ZSCAN25: variants seen among roughly 807,000 people sequenced by gnomAD.
The protein encoded by ZSCAN25 is zinc finger and SCAN domain-containing protein 25.
In ZSCAN25, 27 loss-of-function variants were observed where a neutral mutation model predicts 38.7. The observed-to-expected ratio is 0.70, with a 90% CI of 0.51 to 0.96. ZSCAN25 has a LOEUF of 0.96. Ranked by LOEUF, ZSCAN25 falls within the 40% of genes least tolerant of loss-of-function variation. The pLI is 0.00. For missense variants in ZSCAN25, 637 were observed against 705.9 expected (o/e 0.90, Z 1.11); for synonymous variants, 273 against 277.7 (o/e 0.98, Z 0.17).
At chr7:99,633,505 T>TA (rs1758602128), downstream of ZSCAN25, among the ~76,000 whole-genome samples, 1 of 152,242 alleles carries the variant, frequency 6.6e-6, no homozygotes, top group Admixed American at 6.5e-5. Context: ...ATGAGCTAGT[T>TA]ACTTTTTGCT....
At chr7:99,700,465 G>A in the ZSCAN25 span, among the ~76,000 whole-genome samples, 2 of 152,016 alleles carry the variant, frequency 1.3e-5, no homozygotes, top group Non-Finnish European at 2.9e-5. Flanking sequence ...CCCTCTGCCT[G>A]GAGTGTACTT....
At chr7:99,620,165 C>A in intron 4 of ZSCAN25, 172 bp downstream of exon 4, 1 of 965,028 alleles carries the variant, frequency 1.0e-6, no homozygotes, top group Non-Finnish European at 1.5e-6. Flanking sequence ...GCAAGAAAGG[C>A]CATTCCCAGG....
downstream of ZSCAN25, among the ~76,000 whole-genome samples, chr7:99,633,997 C>G (rs1055982395): frequency 6.6e-6 from 1 of 152,200 alleles, no homozygotes; most frequent in Non-Finnish European, 1.5e-5. Context: ...CCGGGACTCT[C>G]CAGGTCAAAC....
In ZSCAN25 at chr7:99,630,164, T is replaced by C. The variant is rs761818342; in HGVS notation, c.*144T>C. 138 of 1,421,000 alleles carry C rather than the reference T, an allele frequency of 9.7e-5. No individual in the cohort carries two copies. Among genetic ancestry groups the C allele is most frequent in the Admixed American group, 2.4e-4 (8 of 33,476 alleles). 88.0% of individuals were successfully genotyped at this position (1,421,000 alleles called of 1,614,324 possible). A position where few individuals can be genotyped will look rare whatever the true frequency, so the allele number is the denominator to read the frequency against. On this transcript the variant is annotated 3_prime_UTR_variant, in exon 8 of 8. Transcript: ENST00000394152. ...GCGGGAAAGGCAAGGCCTGGCTTACTTAGAGCTTCCAGAGAGCATAGCTGC... is the reference window on the plus strand; with the variant it reads ...GCGGGAAAGGCAAGGCCTGGCTTACCTAGAGCTTCCAGAGAGCATAGCTGC...
chr7:99,638,660 C>G, the ZSCAN25 span: 1 of 1,567,306 alleles, frequency 6.4e-7, no homozygotes, highest in Non-Finnish European at 8.8e-7. Flanking sequence ...ACCGACTGGC[C>G]CAGCTTCAAC....
the ZSCAN25 span, among the ~76,000 whole-genome samples, chr7:99,715,117 G>A: frequency 6.6e-6 from 1 of 152,172 alleles, no homozygotes; most frequent in Non-Finnish European, 1.5e-5. Context: ...CGAAAATTGG[G>A]AAACTCACAC....
chr7:99,676,651 C>A, the ZSCAN25 span: 1 of 838,580 alleles, frequency 1.2e-6, no homozygotes, highest in Non-Finnish European at 1.8e-6. Context: ...TGCACTCAAT[C>A]ACAGAGGGTC....
chr7:99,734,626 CTTT>C, the ZSCAN25 span, among the ~76,000 whole-genome samples: 1 of 140,914 alleles, frequency 7.1e-6, no homozygotes. Context: ...TTTTTTTTCT[CTTT>C]TTTTTTTTTT....
chr7:99,676,999 A>G, the ZSCAN25 span, among the ~76,000 whole-genome samples: 1 of 152,024 alleles, frequency 6.6e-6, no homozygotes, highest in Non-Finnish European at 1.5e-5. Context: ...CTCAGGTCAT[A>G]CTCACCTGAG....
At chr7:99,722,202 C>T in the ZSCAN25 span, 27 of 1,512,228 alleles carry the variant, frequency 1.8e-5, no homozygotes, top group African/African-American at 5.5e-5. Flanking sequence ...AGAGCTTCAT[C>T]GCAAGAGGCT....
the ZSCAN25 span, among the ~76,000 whole-genome samples, chr7:99,735,937 C>G: frequency 6.6e-6 from 1 of 152,314 alleles, no homozygotes; most frequent in Non-Finnish European, 1.5e-5. Flanking sequence ...ACCACTCCAT[C>G]TTCTTAGGTC....
At chr7:99,672,859 G>A in the ZSCAN25 span, 4 of 1,412,218 alleles carry the variant, frequency 2.8e-6, no homozygotes, top group Non-Finnish European at 3.7e-6. Flanking sequence ...TCTCACACAG[G>A]AGCCACCCAA....
At chr7:99,694,562 A>AAAGATCCC in the ZSCAN25 span, among the ~76,000 whole-genome samples, 1 of 145,896 alleles carries the variant, frequency 6.9e-6, no homozygotes, top group Non-Finnish European at 1.5e-5. Flanking sequence ...CTGTGCAAAC[A>AAAGATCCC]AAGATCCCAG....
chr7:99,702,744 C>T, the ZSCAN25 span, among the ~76,000 whole-genome samples: 1 of 152,084 alleles, frequency 6.6e-6, no homozygotes, highest in Non-Finnish European at 1.5e-5. Flanking sequence ...TTTTGTGGTT[C>T]TATAGAAATG....
At chr7:99,708,407 TCTC>T in the ZSCAN25 span, among the ~76,000 whole-genome samples, 1 of 151,746 alleles carries the variant, frequency 6.6e-6, no homozygotes, top group Admixed American at 6.6e-5. Context: ...GCACTTTCCT[TCTC>T]CTCTCGTCTC....
chr7:99,619,837 C>T lies in ZSCAN25; in HGVS notation c.231C>T (p.Thr77=). Residue 77 remains threonine (T), a synonymous_variant, in exon 4 of 8, where the codon ACC becomes ACT. Coordinates refer to ENST00000394152, the MANE Select transcript of ZSCAN25 (RefSeq NM_145115.3). ...GGTGGCTGAGGCCCGAGTTGCACACCAAGGAGCAGATCCTGGAGCTGCTGG... is the reference window on the plus strand; with the variant it reads ...GGTGGCTGAGGCCCGAGTTGCACACTAAGGAGCAGATCCTGGAGCTGCTGG... ...CRRWLRPELH[T]KEQILELLVL... 6.2e-7 allele frequency: 1 copy of T among 1,614,236 alleles called. No homozygotes were observed. The highest frequency in any genetic ancestry group is 1.7e-5 in the Admixed American group (1 of 60,026).
At position 99,621,556 on chromosome 7, in the gene ZSCAN25, C is replaced by G. The variant is rs762904343; in HGVS notation, c.571C>G (p.Arg191Gly). Residue 191 changes from arginine (R) to glycine (G), a missense_variant, in exon 5 of 8, where the codon CGG (arginine) becomes GGG (glycine). By Grantham distance (125) the Arg-to-Gly change is moderately radical (BLOSUM62 -2). Transcript: ENST00000394152. Reference sequence around the variant, plus strand: ...CAGTCAGGACCCTGGAGATGAGACACGGGCCTTCCAGGAGCAAGGTGAGTA... The same window carrying G: ...CAGTCAGGACCCTGGAGATGAGACAGGGGCCTTCCAGGAGCAAGGTGAGTA... ...QLSQDPGDET[R>G]AFQEQALPVL... 3 of 1,478,038 alleles carry G rather than the reference C, an allele frequency of 2.0e-6. No homozygotes were observed. The highest frequency in any genetic ancestry group is 2.7e-6 in the Non-Finnish European group (3 of 1,099,454). 91.6% of individuals were successfully genotyped at this position (1,478,038 alleles called of 1,614,324 possible).
chr7:99,722,180 G>A, the ZSCAN25 span: 1 of 1,309,430 alleles, frequency 7.6e-7, no homozygotes, highest in East Asian at 2.4e-5. Flanking sequence ...TCTGTTTGTA[G>A]TTAGGCTGGC....
chr7:99,658,924 C>G, the ZSCAN25 span: 1 of 152,226 alleles, frequency 6.6e-6, no homozygotes. Flanking sequence ...CCATGGTCTT[C>G]AGCTCCATCA....
Sources: allele counts gnomAD v4.1 joint callset (sites outside exome capture counted in the v4.1 genomes callset), GRCh38; gene constraint gnomAD v4.1.1; transcripts MANE v1.5; gene names NCBI Gene and HGNC (gene_info 2026-07-23, HGNC 2026-07-21).